SRD5A1: variants seen among roughly 807,000 people sequenced by gnomAD.
The protein encoded by SRD5A1 is 3-oxo-5-alpha-steroid 4-dehydrogenase 1.
SRD5A1 carries 22 observed loss-of-function variants against 28.2 expected under a neutral mutation model. The ratio of observed to expected loss-of-function variants is 0.78; its 90% CI spans 0.56 to 1.12. The LOEUF (loss-of-function observed/expected upper bound fraction) is 1.12, where lower values mean the gene tolerates loss of function less well. SRD5A1 is among the 50% of genes most tolerant of loss of function. The pLI is 0.00. For missense variants in SRD5A1, 300 were observed against 346.7 expected, an observed-to-expected ratio of 0.87 and a Z score of 1.07; for synonymous variants, 151 against 135.0, an observed-to-expected ratio of 1.12 and a Z score of -0.82.
rs142979085 is a variant in SRD5A1, at chr5:6,673,533, A to C, written c.*5265A>C. 9 of 152,346 alleles carry C rather than the reference A, an allele frequency of 5.9e-5. No individual in the cohort carries two copies. The highest frequency in any genetic ancestry group is 2.2e-4 in the African/African-American group (9 of 41,578). 9.4% of individuals were successfully genotyped at this position (152,346 alleles called of 1,614,324 possible). ...GGGAAGACAGTCTGGCAGATTCCTA[A>C]AAAGGTAAACATACTCTTACTAAAC... On this transcript the variant is annotated 3_prime_UTR_variant, in exon 5 of 5. Transcript: ENST00000274192.
rs924668237 is a variant in SRD5A1 at position 6,668,577 on chromosome 5, CT to C, written c.*312del. ...CTTGCCAAGTGTGTATGAGACTAGA[CT>C]TTACAACTGTCTTTGATGGCATTTT... On this transcript the variant is annotated 3_prime_UTR_variant, in exon 5 of 5. Transcript: ENST00000274192. 2 of 221,706 alleles carry C rather than the reference CT, an allele frequency of 9.0e-6. No individual in the cohort carries two copies. Among genetic ancestry groups the C allele is most frequent in the African/African-American group, 4.6e-5 (2 of 43,456 alleles). The allele number at this position is 221,706 out of a possible 1,614,324, so 13.7% of individuals were successfully genotyped here. A position where few individuals can be genotyped will look rare whatever the true frequency, so the allele number is the denominator to read the frequency against.
chr5:6,666,647 C>A lies in SRD5A1; in HGVS notation c.714-1555C>A, dbSNP rs184967666. On this transcript the variant is annotated intron_variant, in intron 4 of 4. Transcript: ENST00000274192. Reference sequence around the variant, plus strand: ...TTCTAAGGAGTAAGAAAAATTTAATCATTTAAAAATAAATATTTTATTTCT... The same window carrying A: ...TTCTAAGGAGTAAGAAAAATTTAATAATTTAAAAATAAATATTTTATTTCT... 8.5e-4 allele frequency among the ~76,000 whole-genome samples: 130 copies of A among 152,262 alleles called. 1 individual carries two copies. The highest frequency in any genetic ancestry group is 3.0e-3 in the African/African-American group (126 of 41,550).
intron 3 of SRD5A1, among the ~76,000 whole-genome samples, chr5:6,660,441 G>A (rs528705910): frequency 6.6e-6 from 1 of 152,334 alleles, no homozygotes; most frequent in Admixed American, 6.5e-5. Flanking sequence ...ATGGTACAAA[G>A]GTCCTTCCAC....
rs1208319881 is a variant in SRD5A1 at position 6,668,361 on chromosome 5, T to C, written c.*93T>C. 4 of 792,138 alleles carry C rather than the reference T, an allele frequency of 5.0e-6. No individual in the cohort carries two copies. In the African/African-American group the frequency reaches 7.2e-5, roughly 14 times the overall value. 49.1% of individuals were successfully genotyped at this position (792,138 alleles called of 1,614,324 possible). ...ATAAGTTATATCTTTGTAATTTTCC[T>C]GCTACTTTATCATTTTCAAGATGTC... On this transcript the variant is annotated 3_prime_UTR_variant, in exon 5 of 5. Coordinates refer to ENST00000274192, the MANE Select transcript of SRD5A1 (RefSeq NM_001047.4).
chr5:6,658,820 A>G (rs1377382678), intron 3 of SRD5A1, among the ~76,000 whole-genome samples: 3 of 152,068 alleles, frequency 2.0e-5, no homozygotes, highest in Non-Finnish European at 4.4e-5. Flanking sequence ...AGCAAAGAAT[A>G]TGAAACCTAG....
intron 1 of SRD5A1, among the ~76,000 whole-genome samples, chr5:6,644,311 T>C (rs1446469372): frequency 1.3e-5 from 2 of 152,256 alleles, no homozygotes; most frequent in African/African-American, 4.8e-5. Flanking sequence ...AACTGAGTCC[T>C]TTCTATTTTA....
In SRD5A1 at chr5:6,674,186, CTACT is replaced by C. The variant is rs1739441351; in HGVS notation, c.*5921_*5924del. On this transcript the variant is annotated 3_prime_UTR_variant, in exon 5 of 5. Transcript: ENST00000274192. ...GTTATTTAATTATTAAATTTAGATG[CTACT>C]TAATTTTTGCTTTATTATTATTATG... 1 of 151,510 alleles carries C rather than the reference CTACT, an allele frequency of 6.6e-6. No homozygotes were observed. The highest frequency in any genetic ancestry group is 6.6e-5 in the Admixed American group (1 of 15,214). The allele number at this position is 151,510 out of a possible 1,614,324, so 9.4% of individuals were successfully genotyped here.
At chr5:6,644,189 G>T (rs772767406) in intron 1 of SRD5A1, among the ~76,000 whole-genome samples, 2 of 152,166 alleles carry the variant, frequency 1.3e-5, no homozygotes, top group Non-Finnish European at 2.9e-5. Flanking sequence ...TCAATTCTGT[G>T]TATTTCAACC....
chr5:6,659,183 G>A (rs1024524235), intron 3 of SRD5A1, among the ~76,000 whole-genome samples: 1 of 150,906 alleles, frequency 6.6e-6, no homozygotes, highest in Non-Finnish European at 1.5e-5. Context: ...GCGCGATCTC[G>A]GCTCACTGCA....
chr5:6,667,708 G>A (rs750709832), intron 4 of SRD5A1, among the ~76,000 whole-genome samples: 20 of 152,196 alleles, frequency 1.3e-4, no homozygotes, highest in Non-Finnish European at 2.4e-4. Context: ...CATTTCCCCA[G>A]ATTTCACCGA....
chr5:6,646,964 T>A (rs1738527470), intron 1 of SRD5A1, among the ~76,000 whole-genome samples: 1 of 152,254 alleles, frequency 6.6e-6, no homozygotes, highest in African/African-American at 2.4e-5. Flanking sequence ...CCAAAGATTC[T>A]GGTATGTTGT....
chr5:6,641,035 G>A (rs1738342554), intron 1 of SRD5A1, among the ~76,000 whole-genome samples: 1 of 152,200 alleles, frequency 6.6e-6, no homozygotes, highest in South Asian at 2.1e-4. Flanking sequence ...AGAAGGGGCT[G>A]TGAGTGCCCA....
intron 3 of SRD5A1, among the ~76,000 whole-genome samples, chr5:6,662,197 G>GGCCTGTT (rs1373599765): frequency 2.6e-5 from 4 of 152,176 alleles, no homozygotes; most frequent in Non-Finnish European, 5.9e-5. Flanking sequence ...CCTTCCCTGT[G>GGCCTGTT]GCCTGTTGCC....
In SRD5A1 at chr5:6,669,117, T is replaced by G. The variant is rs912717619; in HGVS notation, c.*849T>G. On this transcript the variant is annotated 3_prime_UTR_variant, in exon 5 of 5. Coordinates refer to ENST00000274192, the MANE Select transcript of SRD5A1 (RefSeq NM_001047.4). ...CCACGTATGGATATAGTAGAGATTGTTGTCTGTGAAATTTCTCTTTTGTAG... is the reference window on the plus strand; with the variant it reads ...CCACGTATGGATATAGTAGAGATTGGTGTCTGTGAAATTTCTCTTTTGTAG... 1 of 152,264 alleles carries G rather than the reference T, an allele frequency of 6.6e-6. No homozygotes were observed. The highest frequency in any genetic ancestry group is 2.4e-5 in the African/African-American group (1 of 41,468). 9.4% of individuals were successfully genotyped at this position (152,264 alleles called of 1,614,324 possible).
intron 1 of SRD5A1, among the ~76,000 whole-genome samples, 194 bp downstream of exon 1, chr5:6,634,063 C>A (rs1424815962): frequency 6.6e-6 from 1 of 152,214 alleles, no homozygotes; most frequent in Non-Finnish European, 1.5e-5. Context: ...GTTTGGAAAC[C>A]AGAAGGGATT....
chr5:6,637,910 G>A (rs1469669828), intron 1 of SRD5A1, among the ~76,000 whole-genome samples: 1 of 152,226 alleles, frequency 6.6e-6, no homozygotes, highest in Non-Finnish European at 1.5e-5. Context: ...TATCTCTCGT[G>A]TAATCCTATT....
intron 1 of SRD5A1, among the ~76,000 whole-genome samples, chr5:6,636,356 G>C (rs1359094760): frequency 6.6e-6 from 1 of 152,184 alleles, no homozygotes; most frequent in East Asian, 1.9e-4. Context: ...CACACCCGGT[G>C]AGAGGAGGCT....
At chr5:6,641,439 G>T (rs1312236008) in intron 1 of SRD5A1, among the ~76,000 whole-genome samples, 1 of 152,196 alleles carries the variant, frequency 6.6e-6, no homozygotes, top group Non-Finnish European at 1.5e-5. Context: ...GCGCTTCCTT[G>T]GAGCGGAGTG....
chr5:6,660,022 T>A (rs1268720294), intron 3 of SRD5A1, among the ~76,000 whole-genome samples: 2 of 152,160 alleles, frequency 1.3e-5, no homozygotes, highest in Non-Finnish European at 2.9e-5. Flanking sequence ...ACTCTGTTAA[T>A]CATGGTGCCA....
Sources: gnomAD v4.1 joint callset for allele counts (sites outside exome capture counted in the v4.1 genomes callset) on GRCh38, gnomAD v4.1.1 for gene constraint, MANE v1.5 for transcripts, NCBI Gene and HGNC (gene_info 2026-07-23, HGNC 2026-07-21) for gene names.